Variants in SH3PXD2A observed in about 807,000 individuals in gnomAD.
SH3PXD2A encodes SH3 and PX domain-containing protein 2A.
A neutral mutation model predicts 115.2 loss-of-function variants in SH3PXD2A; 32 were observed. That is an observed-to-expected ratio of 0.28 (90% CI 0.21 to 0.37). The LOEUF (loss-of-function observed/expected upper bound fraction) is 0.37, where lower values mean the gene tolerates loss of function less well. Ranked by LOEUF, SH3PXD2A falls within the 10% of genes least tolerant of loss-of-function variation. The probability of loss-of-function intolerance (pLI) is 1.00; values close to 1 mark genes in which losing one functional copy is unlikely to be tolerated. For synonymous variants in SH3PXD2A, 610 were observed against 629.1 expected (o/e 0.97, Z 0.45); for missense variants, 1,328 against 1,498.7 (o/e 0.89, Z 1.88).
At chr10:103,797,078 G>T (rs2039098343) in intron 2 of SH3PXD2A, among the ~76,000 whole-genome samples, 1 of 151,954 alleles carries the variant, frequency 6.6e-6, no homozygotes. Flanking sequence ...TGCCCAGGCT[G>T]GTCTTGAACT....
At position 103,620,727 on chromosome 10, in the gene SH3PXD2A, G is replaced by A. The variant is rs1228666853; in HGVS notation, c.802+1743C>T. ...TTAGGTCTCTTATTTAAGAGAGAGAGAGAGAGAGAGCAAGAGCTGGGGGCT... is the reference window on the plus strand; with the variant it reads ...TTAGGTCTCTTATTTAAGAGAGAGAAAGAGAGAGAGCAAGAGCTGGGGGCT... On this transcript the variant is annotated intron_variant, in intron 10 of 14. Coordinates refer to ENST00000369774, the MANE Select transcript of SH3PXD2A (RefSeq NM_001394015.1). The surrounding 1 kb of genome is among the most constrained non-coding windows in gnomAD (Gnocchi z 5.3). 6.6e-6 allele frequency among the ~76,000 whole-genome samples: 1 copy of A among 152,226 alleles called. No homozygotes were observed. Among genetic ancestry groups the A allele is most frequent in the Non-Finnish European group, 1.5e-5 (1 of 68,040 alleles).
intron 9 of SH3PXD2A, among the ~76,000 whole-genome samples, chr10:103,623,117 G>GTGTC (rs1244888437): frequency 6.6e-6 from 1 of 152,208 alleles, no homozygotes; most frequent in Non-Finnish European, 1.5e-5. Context: ...ACCCTTCCCT[G>GTGTC]TGTCTCTGCA....
chr10:103,791,146 A>G (rs111545721), intron 2 of SH3PXD2A, among the ~76,000 whole-genome samples: 9 of 152,254 alleles, frequency 5.9e-5, no homozygotes, highest in African/African-American at 2.2e-4. Context: ...AGCTTCTTAC[A>G]ATTTTCCCCA....
At chr10:103,801,893 G>C (rs1465905475) in intron 1 of SH3PXD2A, among the ~76,000 whole-genome samples, 1 of 152,076 alleles carries the variant, frequency 6.6e-6, no homozygotes, top group Non-Finnish European at 1.5e-5. Context: ...TAGTAGAGAC[G>C]GGGTTTCGCC....
intron 5 of SH3PXD2A, among the ~76,000 whole-genome samples, chr10:103,713,236 T>C (rs1015344214): frequency 3.0e-4 from 45 of 152,156 alleles, no homozygotes; most frequent in Admixed American, 1.3e-4. Context: ...TGGATGCTTG[T>C]CCCTTTCATC....
At chr10:103,653,933 G>A (rs2037169905) in intron 8 of SH3PXD2A, among the ~76,000 whole-genome samples, 1 of 151,116 alleles carries the variant, frequency 6.6e-6, no homozygotes, top group African/African-American at 2.4e-5. Flanking sequence ...CTGCTGCCCA[G>A]CTCCCGCTTT....
chr10:103,609,758 G>A (rs2036396767), intron 13 of SH3PXD2A: 1 of 152,180 alleles, frequency 6.6e-6, no homozygotes, highest in Admixed American at 6.5e-5. Flanking sequence ...TCATGCAAAG[G>A]GGTTCAAATA....
intron 1 of SH3PXD2A, among the ~76,000 whole-genome samples, chr10:103,841,732 T>C (rs544722593): frequency 5.9e-5 from 9 of 152,164 alleles, no homozygotes; most frequent in Admixed American, 5.9e-4. Flanking sequence ...CCTCAACCAC[T>C]TTCCCCCAGA....
intron 1 of SH3PXD2A, among the ~76,000 whole-genome samples, chr10:103,824,492 T>C (rs1049340670): frequency 1.3e-5 from 2 of 152,174 alleles, no homozygotes; most frequent in African/African-American, 4.8e-5. Context: ...TTCCTTATCC[T>C]GATCTGAATC....
At chr10:103,677,026 C>A (rs1267086943) in intron 6 of SH3PXD2A, among the ~76,000 whole-genome samples, 2 of 152,210 alleles carry the variant, frequency 1.3e-5, no homozygotes, top group Non-Finnish European at 2.9e-5. Flanking sequence ...TCGCTGGTCT[C>A]CAGCCCCGAG....
chr10:103,628,001 T>C (rs1362211509), intron 8 of SH3PXD2A, among the ~76,000 whole-genome samples: 2 of 152,226 alleles, frequency 1.3e-5, no homozygotes, highest in African/African-American at 2.4e-5. Context: ...CTCCATTTCC[T>C]GTCTGGAGAG....
At chr10:103,631,200 G>T (rs903989246) in intron 8 of SH3PXD2A, among the ~76,000 whole-genome samples, 2 of 152,154 alleles carry the variant, frequency 1.3e-5, no homozygotes, top group South Asian at 2.1e-4. Context: ...AGGAGTTTAA[G>T]GCTGCAGTGA....
intron 13 of SH3PXD2A, among the ~76,000 whole-genome samples, chr10:103,607,053 C>T (rs2036322566): frequency 6.7e-6 from 1 of 150,278 alleles, no homozygotes; most frequent in Non-Finnish European, 1.5e-5. Context: ...AAGTGAGGAG[C>T]GCCTCTTCCC....
chr10:103,689,711 A>C (rs2037723278), intron 6 of SH3PXD2A, among the ~76,000 whole-genome samples: 1 of 152,152 alleles, frequency 6.6e-6, no homozygotes, highest in Non-Finnish European at 1.5e-5. Context: ...GTTGGGCTTG[A>C]GCAATGGGGT....
intron 6 of SH3PXD2A, among the ~76,000 whole-genome samples, chr10:103,670,577 A>G (rs1207374624): frequency 7.2e-5 from 11 of 152,204 alleles, no homozygotes; most frequent in African/African-American, 2.7e-4. Flanking sequence ...TACTGGATGC[A>G]CCAAGAAAAA....
intron 1 of SH3PXD2A, among the ~76,000 whole-genome samples, chr10:103,822,952 A>T (rs2039396089): frequency 6.6e-6 from 1 of 152,218 alleles, no homozygotes; most frequent in Non-Finnish European, 1.5e-5. Flanking sequence ...TTGGTCAGAT[A>T]GGTGCTGAAG....
At chr10:103,843,072 T>C (rs2039615698) in intron 1 of SH3PXD2A, among the ~76,000 whole-genome samples, 1 of 152,164 alleles carries the variant, frequency 6.6e-6, no homozygotes, top group African/African-American at 2.4e-5. Flanking sequence ...GTGATAGCAA[T>C]AGTGCCGTTT....
At chr10:103,716,484 T>C (rs911735109) in intron 5 of SH3PXD2A, among the ~76,000 whole-genome samples, 3 of 152,224 alleles carry the variant, frequency 2.0e-5, no homozygotes, top group Admixed American at 6.5e-5. Flanking sequence ...AGCAGGGCTA[T>C]CTGCTCCTCC....
intron 6 of SH3PXD2A, among the ~76,000 whole-genome samples, chr10:103,672,400 C>T (rs1282924408): frequency 2.0e-5 from 3 of 152,246 alleles, no homozygotes; most frequent in Non-Finnish European, 2.9e-5. Flanking sequence ...TCTAGACCTT[C>T]CCAGCAGAAA....
Sources: allele counts gnomAD v4.1 joint callset (sites outside exome capture counted in the v4.1 genomes callset), GRCh38; gene constraint gnomAD v4.1.1; non-coding constraint Gnocchi (gnomAD v3.1); transcripts MANE v1.5; gene names NCBI Gene and HGNC (gene_info 2026-07-23, HGNC 2026-07-21).